The following AHCYL2 variants were observed in gnomAD, a reference collection of about 807,000 sequenced individuals.
The protein encoded by AHCYL2 is S-adenosylhomocysteine hydrolase-like protein 2.
Under a neutral mutation model 81.4 loss-of-function variants are expected in AHCYL2, and 28 were observed. That is an observed-to-expected ratio of 0.34 (90% CI 0.25 to 0.47). The LOEUF is 0.47. Among genes scored for constraint, AHCYL2 ranks in the 20% least tolerant of loss-of-function variants. The pLI, the probability that AHCYL2 is intolerant of heterozygous loss-of-function variation, is 1.00. For synonymous variants in AHCYL2, 272 were observed against 290.2 expected (o/e 0.94, Z 0.64); for missense variants, 551 against 785.1 (o/e 0.70, Z 3.56).
intron 4 of AHCYL2, among the ~76,000 whole-genome samples, chr7:129,390,087 T>G (rs1795394429): frequency 1.3e-5 from 2 of 152,212 alleles, no homozygotes. Context: ...ACTATGTTTT[T>G]TCCTATACAT....
At chr7:129,378,537 A>T (rs1022137828) in intron 1 of AHCYL2, among the ~76,000 whole-genome samples, 38 of 152,302 alleles carry the variant, frequency 2.5e-4, no homozygotes, top group African/African-American at 8.9e-4. Context: ...TCTCTGTTGT[A>T]TTTATGGAAA....
intron 1 of AHCYL2, among the ~76,000 whole-genome samples, chr7:129,238,392 G>A (rs988020352): frequency 6.6e-6 from 1 of 152,070 alleles, no homozygotes; most frequent in Non-Finnish European, 1.5e-5. Flanking sequence ...AACTGCTTCT[G>A]GATATTTGCC....
At chr7:129,244,254 T>C (rs1794971357) in intron 1 of AHCYL2, among the ~76,000 whole-genome samples, 2 of 151,812 alleles carry the variant, frequency 1.3e-5, no homozygotes, top group Admixed American at 1.3e-4. Context: ...TCCTTCAACC[T>C]TGGCCTTTCA....
chr7:129,268,454 TC>T lies in AHCYL2; in HGVS notation c.363+43016del, dbSNP rs1448099929. The stretch of plus-strand genomic sequence containing the variant: ...CCTCCATCTCCCGGATTCAAGTGAT[TC>T]TCCTGCCTCAGCCTCCTGAGTAGCT... On this transcript the variant is annotated intron_variant, in intron 1 of 16. Transcript: ENST00000325006. 2.0e-5 allele frequency among the ~76,000 whole-genome samples: 3 copies of T among 152,272 alleles called. No individual in the cohort carries two copies. In the East Asian group the frequency reaches 5.8e-4, roughly 29 times the overall value.
intron 1 of AHCYL2, among the ~76,000 whole-genome samples, chr7:129,291,388 A>G (rs1248231779): frequency 6.6e-6 from 1 of 152,184 alleles, no homozygotes; most frequent in Admixed American, 6.5e-5. Flanking sequence ...TAAGTAATTG[A>G]AGCACAGACA....
At chr7:129,299,091 A>G (rs1303884152) in intron 1 of AHCYL2, among the ~76,000 whole-genome samples, 1 of 152,040 alleles carries the variant, frequency 6.6e-6, no homozygotes, top group African/African-American at 2.4e-5. Context: ...GTGCCATGAT[A>G]TATTGTTCTT....
At chr7:129,242,143 A>G (rs1794882055) in intron 1 of AHCYL2, among the ~76,000 whole-genome samples, 1 of 152,154 alleles carries the variant, frequency 6.6e-6, no homozygotes, top group Admixed American at 6.6e-5. Context: ...CCAGTTTGAT[A>G]CATGTAGATT....
intron 1 of AHCYL2, among the ~76,000 whole-genome samples, chr7:129,277,318 G>A (rs974525877): frequency 3.8e-4 from 53 of 141,160 alleles, no homozygotes; most frequent in African/African-American, 1.3e-3. Context: ...TTGCTCTGTC[G>A]CCCAGGCTAG....
chr7:129,320,536 C>T (rs1361706109), intron 1 of AHCYL2, among the ~76,000 whole-genome samples: 1 of 152,122 alleles, frequency 6.6e-6, no homozygotes, highest in Non-Finnish European at 1.5e-5. Context: ...AGGTTGGTCT[C>T]GAACTCCTGA....
At chr7:129,328,717 C>G (rs572076823) in intron 1 of AHCYL2, among the ~76,000 whole-genome samples, 44 of 152,062 alleles carry the variant, frequency 2.9e-4, no homozygotes, top group Middle Eastern at 3.4e-3. Flanking sequence ...AACTCCTGAC[C>G]TCAAATGAGC....
chr7:129,395,287 C>A (rs1178743015), intron 4 of AHCYL2, among the ~76,000 whole-genome samples: 2 of 152,212 alleles, frequency 1.3e-5, no homozygotes, highest in Non-Finnish European at 2.9e-5. Context: ...TAGACTGCTG[C>A]TCTTTGTTTC....
chr7:129,408,249 C>A (rs1416984723), intron 10 of AHCYL2, among the ~76,000 whole-genome samples: 1 of 152,126 alleles, frequency 6.6e-6, no homozygotes, highest in East Asian at 1.9e-4. Context: ...AAGATGTAAA[C>A]CTAGAGGCAA....
chr7:129,408,768 C>T (rs1024463262), intron 10 of AHCYL2, among the ~76,000 whole-genome samples: 1 of 150,050 alleles, frequency 6.7e-6, no homozygotes, highest in African/African-American at 2.5e-5. Context: ...CCCTGCAGAG[C>T]ACCAATATCC....
intron 1 of AHCYL2, among the ~76,000 whole-genome samples, chr7:129,255,710 C>T (rs1460895855): frequency 6.6e-6 from 1 of 152,056 alleles, no homozygotes; most frequent in Admixed American, 6.5e-5. Flanking sequence ...GGGCTTGGCG[C>T]GGTGGTCCAC....
intron 2 of AHCYL2, chr7:129,388,819 G>A (rs929403185): frequency 2.8e-5 from 12 of 429,454 alleles, no homozygotes; most frequent in East Asian, 4.0e-5. Flanking sequence ...GGACCTCTGC[G>A]TGTTCTGAAG....
intron 1 of AHCYL2, among the ~76,000 whole-genome samples, chr7:129,263,228 C>T (rs1400791214): frequency 6.6e-6 from 1 of 152,120 alleles, no homozygotes; most frequent in African/African-American, 2.4e-5. Flanking sequence ...AGCTTTGTTC[C>T]AAGACTTAGG....
chr7:129,424,600 T>C (rs948337365), intron 13 of AHCYL2: 5 of 504,202 alleles, frequency 9.9e-6, no homozygotes, highest in East Asian at 3.5e-5. Context: ...TACACTGATA[T>C]TTGGCATAAG....
chr7:129,268,806 T>TTA (rs1390724456), intron 1 of AHCYL2, among the ~76,000 whole-genome samples: 1 of 152,226 alleles, frequency 6.6e-6, no homozygotes, highest in Non-Finnish European at 1.5e-5. Context: ...CTCTTTACTT[T>TTA]TTAAAAGTAA....
intron 1 of AHCYL2, among the ~76,000 whole-genome samples, chr7:129,363,330 A>G (rs977728322): frequency 6.6e-6 from 1 of 152,176 alleles, no homozygotes; most frequent in Non-Finnish European, 1.5e-5. Context: ...ACTTATACCT[A>G]TACCTTATGC....
Sources: gnomAD v4.1 joint callset for allele counts (sites outside exome capture counted in the v4.1 genomes callset) on GRCh38, gnomAD v4.1.1 for gene constraint, MANE v1.5 for transcripts, NCBI Gene and HGNC (gene_info 2026-07-23, HGNC 2026-07-21) for gene names.